Variants in TKTL1 observed in about 807,000 individuals in gnomAD.
The protein encoded by TKTL1 is transketolase like 1, also known as transketolase-like protein 1.
Under a neutral mutation model 39.3 loss-of-function variants are expected in TKTL1, and 1 was observed. That is an observed-to-expected ratio of 0.03 (90% CI 0.01 to 0.12). The LOEUF is 0.12. TKTL1 is among the 10% of genes least tolerant of loss of function. The probability of loss-of-function intolerance (pLI) is 1.00; values close to 1 mark genes in which losing one functional copy is unlikely to be tolerated. For missense variants in TKTL1, 575 were observed against 509.6 expected, an observed-to-expected ratio of 1.13 and a Z score of -1.24; for synonymous variants, 262 against 193.8, an observed-to-expected ratio of 1.35 and a Z score of -2.92.
chrX:154,320,822 C>T lies in TKTL1; in HGVS notation c.1095C>T (p.Ala365=), dbSNP rs371448880. ...RTIAFASTFA[A]FLTRAFDHIR... is the part of the protein sequence containing the mutation. ...TTGCTTTTGCTAGCACCTTTGCTGC[C>T]TTTCTGACTCGAGCATTTGATCACA... Residue 365 remains alanine, a synonymous_variant, in exon 8 of 13, where the codon GCC becomes GCT. Coordinates refer to ENST00000369915, the MANE Select transcript of TKTL1 (RefSeq NM_012253.4). The T allele has an allele frequency of 6.6e-6, 8 of 1,211,241 alleles. No individual in the cohort carries two copies. In the East Asian group the frequency reaches 1.8e-4, roughly 27 times the overall value.
chrX:154,311,228 G>T lies in TKTL1; in HGVS notation c.660G>T (p.Arg220=), dbSNP rs1557168288. The change falls in exon 5 of 13, where the codon CGG becomes CGT. Residue 220 remains arginine, a synonymous_variant. Transcript: ENST00000369915. Reference sequence around the variant, plus strand: ...TGGTGGCCAAGACCTTCAAGGGCCGGGGCACCCCAAGTAAGCAAGCACTTT... The same window carrying T: ...TGGTGGCCAAGACCTTCAAGGGCCGTGGCACCCCAAGTAAGCAAGCACTTT... ...TAVVAKTFKG[R]GTPSIEDAES... 1 of 1,211,792 alleles carries T rather than the reference G, an allele frequency of 8.3e-7. No individual in the cohort carries two copies. Among genetic ancestry groups the T allele is most frequent in the East Asian group, 3.0e-5 (1 of 33,837 alleles).
At chrX:154,297,868 A>G (rs1326437859) in intron 1 of TKTL1, among the ~76,000 whole-genome samples, 1 of 111,989 alleles carries the variant, frequency 8.9e-6, no homozygotes, top group Non-Finnish European at 1.9e-5. Flanking sequence ...TTGTGCCACT[A>G]CGGCCTGGGG....
intron 8 of TKTL1, 135 bp from the exon 9 acceptor site, chrX:154,323,072 A>G (rs1333237749): frequency 3.7e-6 from 3 of 803,909 alleles, no homozygotes; most frequent in Non-Finnish European, 3.6e-6. Context: ...CAGCGGGACC[A>G]TTTATGGGGC....
At chrX:154,301,825 T>G (rs1179537809) in intron 1 of TKTL1, among the ~76,000 whole-genome samples, 1 of 106,628 alleles carries the variant, frequency 9.4e-6, no homozygotes, top group Admixed American at 1.0e-4. Flanking sequence ...ACTCCCGACC[T>G]CAGGTGATCC....
At chrX:154,310,768 A>G (rs1557168149) in intron 3 of TKTL1, 68 bp from the exon 4 acceptor site, 2 of 973,118 alleles carry the variant, frequency 2.1e-6, no homozygotes, top group Non-Finnish European at 2.8e-6. Context: ...TCTCCTCCTG[A>G]AATGCATTTG....
intron 3 of TKTL1, among the ~76,000 whole-genome samples, chrX:154,309,806 C>T (rs2067342116): frequency 9.0e-6 from 1 of 111,409 alleles, no homozygotes; most frequent in Non-Finnish European, 1.9e-5. Context: ...ATGATCTCGG[C>T]TCACTGCAAC....
chrX:154,327,015 C>T (rs782727698), intron 10 of TKTL1, among the ~76,000 whole-genome samples: 3 of 111,763 alleles, frequency 2.7e-5, no homozygotes. Flanking sequence ...CAGATGCCTC[C>T]GATGGGTAGC....
intron 12 of TKTL1, among the ~76,000 whole-genome samples, chrX:154,328,184 TG>T (rs2067507848): frequency 1.8e-5 from 2 of 110,430 alleles, no homozygotes; most frequent in Admixed American, 9.7e-5. Context: ...CACAGAGGAG[TG>T]GCTATTGCAG....
At chrX:154,317,655 G>A (rs1292120222) in intron 7 of TKTL1, among the ~76,000 whole-genome samples, 1 of 112,975 alleles carries the variant, frequency 8.9e-6, no homozygotes, top group Non-Finnish European at 1.9e-5. Context: ...CTTCACGTAG[G>A]AAAGGGAGGA....
intron 10 of TKTL1, 188 bp from the exon 11 acceptor site, chrX:154,327,403 A>G: frequency 1.8e-6 from 1 of 564,289 alleles, no homozygotes; most frequent in Middle Eastern, 3.1e-4. Context: ...GGACAGCTGG[A>G]GCAGTGTAAT....
In TKTL1 at chrX:154,315,228, A is replaced by G. The variant is rs782573359; in HGVS notation, c.920A>G (p.Asn307Ser). ...CTGGCTAAGCTGGGCTACGCGAACA[A>G]CAGAGTCGTTGTGCTGGATGGTGAC... is the stretch of plus-strand genomic sequence containing the variant. Reference protein sequence around the residue: ...LALAKLGYANNRVVVLDGDTR... With the variant: ...LALAKLGYANSRVVVLDGDTR... The change falls in exon 7 of 13, where the codon AAC becomes AGC. Residue 307 changes from asparagine to serine, a missense_variant. Asn to Ser is a conservative substitution (Grantham distance 46). Transcript: ENST00000369915. 8 of 1,211,587 alleles carry G rather than the reference A, an allele frequency of 6.6e-6. No individual in the cohort carries two copies. In the South Asian group the frequency reaches 1.4e-4, roughly 21 times the overall value.
intron 1 of TKTL1, among the ~76,000 whole-genome samples, chrX:154,298,746 G>A (rs1259447597): frequency 8.9e-6 from 1 of 112,130 alleles, no homozygotes; most frequent in African/African-American, 3.2e-5. Context: ...CTTAGTCTCT[G>A]TTTTATTTGT....
chrX:154,318,774 TA>T (rs781896621), intron 7 of TKTL1, among the ~76,000 whole-genome samples: 54 of 102,566 alleles, frequency 5.3e-4, no homozygotes, highest in East Asian at 6.0e-4. Flanking sequence ...GGTCTGTAAT[TA>T]AAAAAAAAAA....
chrX:154,309,316 C>T lies in TKTL1; in HGVS notation c.253-29C>T, dbSNP rs782695442. 1.7e-6 allele frequency: 2 copies of T among 1,159,734 alleles called. 1 individual carries two copies. Among genetic ancestry groups the T allele is most frequent in the Admixed American group, 4.3e-5 (2 of 45,990 alleles). On this transcript the variant is annotated intron_variant, in intron 2 of 12. Coordinates refer to ENST00000369915, the MANE Select transcript of TKTL1 (RefSeq NM_012253.4). ...CTGATACCATGTCCTGCAGCTGCGT[C>T]TGGGCTCACTGGGTCCCTTCTCTTA...
At chrX:154,322,834 G>C (rs782151430) in intron 8 of TKTL1, among the ~76,000 whole-genome samples, 2 of 111,885 alleles carry the variant, frequency 1.8e-5, no homozygotes, top group Non-Finnish European at 3.8e-5. Context: ...AGAAAAGATA[G>C]AGCAGAAAAG....
intron 1 of TKTL1, among the ~76,000 whole-genome samples, chrX:154,304,745 T>C (rs1351789861): frequency 9.2e-6 from 1 of 108,941 alleles, no homozygotes; most frequent in Non-Finnish European, 1.9e-5. Flanking sequence ...CTCCAGGGAG[T>C]TGGTTTTGTC....
At position 154,322,471 on chromosome X, in the gene TKTL1, G is replaced by A. The variant is rs143979307; in HGVS notation, c.1187-736G>A. Reference sequence around the variant, plus strand: ...TGCTTGAACCTGGGAGGTAGAGGCTGCGGTGAGCCAAGATGACCTAGTGCG... The same window carrying A: ...TGCTTGAACCTGGGAGGTAGAGGCTACGGTGAGCCAAGATGACCTAGTGCG... On this transcript the variant is annotated intron_variant, in intron 8 of 12. Coordinates refer to ENST00000369915, the MANE Select transcript of TKTL1 (RefSeq NM_012253.4). Among the ~76,000 whole-genome samples, 978 of 111,233 alleles carry A rather than the reference G, an allele frequency of 8.8e-3. 13 individuals are homozygous for A. Among genetic ancestry groups the A allele is most frequent in the African/African-American group, 0.031 (951 of 30,555 alleles).
intron 1 of TKTL1, among the ~76,000 whole-genome samples, chrX:154,299,820 T>C (rs934775350): frequency 3.6e-5 from 4 of 111,828 alleles, no homozygotes; most frequent in Middle Eastern, 9.3e-3. Flanking sequence ...TACACCACCT[T>C]CTTTATCCAC....
chrX:154,305,782 T>G (rs2067310406), intron 2 of TKTL1, among the ~76,000 whole-genome samples: 1 of 110,135 alleles, frequency 9.1e-6, no homozygotes, highest in Admixed American at 9.6e-5. Context: ...GGAACTTGAG[T>G]GTAACCGGGA....
Sources: allele counts gnomAD v4.1 joint callset (sites outside exome capture counted in the v4.1 genomes callset), GRCh38; gene constraint gnomAD v4.1.1; transcripts MANE v1.5; gene names NCBI Gene and HGNC (gene_info 2026-07-23, HGNC 2026-07-21).